Variants in WDR64 observed in about 807,000 individuals in gnomAD.
The protein encoded by WDR64 is WD repeat-containing protein 64.
A neutral mutation model predicts 139.3 loss-of-function variants in WDR64; 112 were observed. That is an observed-to-expected ratio of 0.80 (90% CI 0.69 to 0.94). The LOEUF is 0.94. Among genes scored for constraint, WDR64 ranks in the 40% least tolerant of loss-of-function variants. The pLI is 0.00. For missense variants in WDR64, 1,206 were observed against 1,293.1 expected (o/e 0.93, Z 1.03); for synonymous variants, 444 against 437.7 (o/e 1.01, Z -0.18).
At position 241,656,896 on chromosome 1, in the gene WDR64, GTGTGTGTGTGTGTGTC is replaced by G. The variant is rs1385099067; in HGVS notation, c.146-3630_146-3615del. Among the ~76,000 whole-genome samples, 2 of 151,238 alleles carry G rather than the reference GTGTGTGTGTGTGTGTC, an allele frequency of 1.3e-5. No homozygotes were observed. Among genetic ancestry groups the G allele is most frequent in the African/African-American group, 2.4e-5 (1 of 40,912 alleles). ...TGTGTGTGTGTGTGTGTGTGTGTGT[GTGTGTGTGTGTGTGTC>G]TGTCTGGGGATGGAGGTGAGGTGCA... On this transcript the variant is annotated intron_variant, in intron 1 of 27. Coordinates refer to ENST00000437684, the MANE Select transcript of WDR64 (RefSeq NM_001367482.1). This position sits in a 1 kb window ranked among gnomAD's most constrained non-coding sequence, Gnocchi z 4.3.
chr1:241,766,686 G>C (rs1052554506), intron 16 of WDR64, among the ~76,000 whole-genome samples: 1 of 149,982 alleles, frequency 6.7e-6, no homozygotes, highest in African/African-American at 2.4e-5. Flanking sequence ...GGGTGACAGA[G>C]TGAGTGAAAC....
chr1:241,702,801 G>C (rs1446512729), intron 8 of WDR64, among the ~76,000 whole-genome samples: 1 of 152,200 alleles, frequency 6.6e-6, no homozygotes, highest in African/African-American at 2.4e-5. Context: ...GTCATGAATA[G>C]AGCTGTAAGG....
intron 1 of WDR64, among the ~76,000 whole-genome samples, chr1:241,655,514 CCA>C (rs939606863): frequency 3.3e-5 from 5 of 152,134 alleles, no homozygotes; most frequent in Non-Finnish European, 7.4e-5. Context: ...CCTCTAAAAT[CCA>C]CATATACTAA....
chr1:241,725,646 G>T (rs1253610812), intron 10 of WDR64, among the ~76,000 whole-genome samples: 1 of 152,116 alleles, frequency 6.6e-6, no homozygotes, highest in African/African-American at 2.4e-5. Flanking sequence ...CCCGGCACCT[G>T]CCTCCTCCAG....
At chr1:241,719,302 T>C (rs1668516842) in intron 9 of WDR64, among the ~76,000 whole-genome samples, 2 of 152,152 alleles carry the variant, frequency 1.3e-5, no homozygotes, top group Non-Finnish European at 2.9e-5. Context: ...ATTCTTACTA[T>C]AGATTATATG....
intron 22 of WDR64, among the ~76,000 whole-genome samples, chr1:241,780,765 C>T (rs533905986): frequency 2.0e-5 from 3 of 152,160 alleles, no homozygotes; most frequent in South Asian, 2.1e-4. Flanking sequence ...TTTAAGGTTT[C>T]GGTATTCAAC....
At chr1:241,767,816 A>AC (rs551000959) in intron 16 of WDR64, among the ~76,000 whole-genome samples, 259 of 151,616 alleles carry the variant, frequency 1.7e-3, no homozygotes, top group African/African-American at 6.1e-3. Context: ...GTTTCTGCAG[A>AC]CCCCCCTTTC....
chr1:241,683,387 T>C, intron 6 of WDR64, 100 bp from the exon 7 acceptor site: 1 of 1,157,420 alleles, frequency 8.6e-7, no homozygotes, highest in Non-Finnish European at 1.2e-6. Flanking sequence ...GTATCTACAA[T>C]AAGAAACAGC....
At chr1:241,748,700 G>C (rs1669859154) in intron 13 of WDR64, among the ~76,000 whole-genome samples, 1 of 152,122 alleles carries the variant, frequency 6.6e-6, no homozygotes, top group South Asian at 2.1e-4. Flanking sequence ...AGCACTTTGG[G>C]AGGCCGAGGA....
chr1:241,733,652 T>C (rs1360456968), intron 10 of WDR64, among the ~76,000 whole-genome samples: 2 of 150,072 alleles, frequency 1.3e-5, no homozygotes, highest in Non-Finnish European at 3.0e-5. Flanking sequence ...TTATTACTTA[T>C]ATACATATAT....
At chr1:241,708,711 T>G (rs1164834413) in intron 8 of WDR64, among the ~76,000 whole-genome samples, 1 of 37,240 alleles carries the variant, frequency 2.7e-5, no homozygotes, top group Non-Finnish European at 7.3e-5. Flanking sequence ...TTTGTTTTTT[T>G]GTTTTTTTTT....
At chr1:241,741,118 G>A (rs1189183106) in intron 11 of WDR64, among the ~76,000 whole-genome samples, 1 of 152,198 alleles carries the variant, frequency 6.6e-6, no homozygotes, top group Non-Finnish European at 1.5e-5. Flanking sequence ...ACCACTAAGA[G>A]GAGGCTAACC....
At chr1:241,705,919 G>A (rs1219459597) in intron 8 of WDR64, among the ~76,000 whole-genome samples, 1 of 152,052 alleles carries the variant, frequency 6.6e-6, no homozygotes, top group Non-Finnish European at 1.5e-5. Context: ...CTGCAGGCTG[G>A]GCCACAGTCT....
intron 8 of WDR64, among the ~76,000 whole-genome samples, chr1:241,691,573 T>G (rs1260767609): frequency 6.6e-6 from 1 of 151,544 alleles, no homozygotes; most frequent in African/African-American, 2.4e-5. Context: ...GTAAAAAACA[T>G]CTACAAAAAA....
At chr1:241,770,148 C>T (rs1486989608) in intron 17 of WDR64, among the ~76,000 whole-genome samples, 1 of 152,124 alleles carries the variant, frequency 6.6e-6, no homozygotes, top group Non-Finnish European at 1.5e-5. Flanking sequence ...CAAAACTGTT[C>T]TGAGAATATT....
At chr1:241,787,425 G>A (rs12120148) in intron 23 of WDR64, among the ~76,000 whole-genome samples, 13,471 of 151,654 alleles carry the variant, frequency 0.089, 797 homozygotes, top group Admixed American at 0.15. Context: ...AGCAGTTTGG[G>A]AGGCCAAGGC....
chr1:241,660,090 T>C (rs779691855), intron 1 of WDR64, among the ~76,000 whole-genome samples: 1 of 152,194 alleles, frequency 6.6e-6, no homozygotes, highest in Non-Finnish European at 1.5e-5. Flanking sequence ...TTGTAAATGG[T>C]ATAAGGAAGG....
Position 241,703,043 on chromosome 1 carries a change from G to A in WDR64, c.975-8759G>A, listed in dbSNP as rs1358052345. Among the ~76,000 whole-genome samples, 1 of 152,120 alleles carries A rather than the reference G, an allele frequency of 6.6e-6. No homozygotes were observed. The highest frequency in any genetic ancestry group is 1.5e-5 in the Non-Finnish European group (1 of 68,000). On this transcript the variant is annotated intron_variant, in intron 8 of 27. Transcript: ENST00000437684. The surrounding 1 kb of genome is among the most constrained non-coding windows in gnomAD (Gnocchi z 5.9). The stretch of plus-strand genomic sequence containing the variant: ...TAAGAGGCAGTAATACAGAGTTAGG[G>A]CCACTTTTTAAAAATGCCTTACCTG...
chr1:241,737,824 T>C (rs1393538629), intron 10 of WDR64, among the ~76,000 whole-genome samples: 2 of 152,216 alleles, frequency 1.3e-5, no homozygotes, highest in African/African-American at 4.8e-5. Flanking sequence ...GAAAAACCTA[T>C]ATTCTCATAC....
Sources: gnomAD v4.1 joint callset for allele counts (sites outside exome capture counted in the v4.1 genomes callset) on GRCh38, gnomAD v4.1.1 for gene constraint, Gnocchi (gnomAD v3.1) non-coding constraint, MANE v1.5 for transcripts, NCBI Gene and HGNC (gene_info 2026-07-23, HGNC 2026-07-21) for gene names.